TRHDE: variants seen among roughly 807,000 people sequenced by gnomAD.
The protein encoded by TRHDE is thyrotropin-releasing hormone-degrading ectoenzyme.
In TRHDE, 72 loss-of-function variants were observed where a neutral mutation model predicts 125.7. That is an observed-to-expected ratio of 0.57 (90% CI 0.47 to 0.70). The LOEUF (loss-of-function observed/expected upper bound fraction) is 0.70. Among genes scored for constraint, TRHDE ranks in the 30% least tolerant of loss-of-function variants. The probability of loss-of-function intolerance (pLI) is 0.00; values close to 1 mark genes in which losing one functional copy is unlikely to be tolerated. For synonymous variants in TRHDE, 509 were observed against 509.1 expected (o/e 1.00, Z 0.00); for missense variants, 1,110 against 1,327.1 (o/e 0.84, Z 2.54).
intron 2 of TRHDE, among the ~76,000 whole-genome samples, chr12:72,126,464 C>A (rs931868564): frequency 6.6e-6 from 1 of 152,160 alleles, no homozygotes; most frequent in African/African-American, 2.4e-5. Context: ...AACTATCAGG[C>A]TACGGTACCC....
chr12:72,148,567 T>A (rs1876281289), intron 2 of TRHDE, among the ~76,000 whole-genome samples: 1 of 152,198 alleles, frequency 6.6e-6, no homozygotes, highest in African/African-American at 2.4e-5. Flanking sequence ...GGAAATTAAT[T>A]TATATACACA....
At chr12:72,156,943 G>A (rs2139325670) in intron 2 of TRHDE, among the ~76,000 whole-genome samples, 1 of 152,214 alleles carries the variant, frequency 6.6e-6, no homozygotes, top group South Asian at 2.1e-4. Context: ...GAAAATTAAA[G>A]CAGGGTAGCA....
In TRHDE at chr12:72,241,472, T is replaced by A. The variant is rs185039251; in HGVS notation, n.279+135720T>A. Among the ~76,000 whole-genome samples the A allele has an allele frequency of 6.8e-3, 1,034 of 152,330 alleles. 6 individuals carry two copies. Among genetic ancestry groups the A allele is most frequent in the Non-Finnish European group, 0.01 (691 of 68,022 alleles). On this transcript the variant is annotated intron_variant and non_coding_transcript_variant, in intron 2 of 4. Coordinates refer to the TRHDE transcript ENST00000548156. ...TTGAAATATATCCAAGTTGTGTGCA[T>A]TAATACTTTATTATTGCACAGTAGT...
At chr12:72,556,753 A>G (rs890348249) in intron 7 of TRHDE, among the ~76,000 whole-genome samples, 9 of 152,200 alleles carry the variant, frequency 5.9e-5, no homozygotes, top group Admixed American at 6.5e-5. Context: ...GCACACTACA[A>G]ATTTTTTTGA....
intron 12 of TRHDE, among the ~76,000 whole-genome samples, chr12:72,597,738 T>TATAC (rs1872026362): frequency 1.1e-4 from 1 of 8,928 alleles, no homozygotes; most frequent in African/African-American, 3.0e-4. Flanking sequence ...TATATATATA[T>TATAC]ATATATATAT....
rs1380722718 is a variant in TRHDE at position 72,653,082 on chromosome 12, T to C, written c.2910T>C (p.His970=). The change falls in exon 17 of 19, where the codon CAT becomes CAC. Residue 970 remains histidine (H), a synonymous_variant. Transcript: ENST00000261180. ...AAGATGCAATTGATGTCATAATCCA[T>C]GTAGCTCGAAATCCACATGGTCGAG... ...LDQDAIDVII[H]VARNPHGRDL... is the part of the protein sequence containing the mutation. 3 of 1,609,036 alleles carry C rather than the reference T, an allele frequency of 1.9e-6. No individual in the cohort carries two copies. Among genetic ancestry groups the C allele is most frequent in the African/African-American group, 1.3e-5 (1 of 74,632 alleles).
chr12:72,556,047 A>G (rs1001032842), intron 7 of TRHDE, among the ~76,000 whole-genome samples: 2 of 152,170 alleles, frequency 1.3e-5, no homozygotes, highest in African/African-American at 4.8e-5. Context: ...TCTCTCCAAC[A>G]TTCTTGTCTG....
chr12:72,640,325 C>G (rs1156466625), intron 15 of TRHDE, among the ~76,000 whole-genome samples: 2 of 152,238 alleles, frequency 1.3e-5, no homozygotes, highest in Non-Finnish European at 2.9e-5. Flanking sequence ...TGACCCCCTG[C>G]GCTTCCCGAG....
At chr12:72,518,398 A>T (rs1258551950) in intron 6 of TRHDE, among the ~76,000 whole-genome samples, 1 of 151,158 alleles carries the variant, frequency 6.6e-6, no homozygotes, top group Non-Finnish European at 1.5e-5. Context: ...ACCATTATGT[A>T]ATGGCGTTCT....
At position 72,188,201 on chromosome 12, in the gene TRHDE, A is replaced by T. The variant is rs547625711; in HGVS notation, n.279+82449A>T. ...TGTGGAGATGGAGCAAATTAAAGTT[A>T]TTATGATTTGGGGGATAGAGATTTA... On this transcript the variant is annotated intron_variant and non_coding_transcript_variant, in intron 2 of 4. Coordinates refer to the TRHDE transcript ENST00000548156. Among the ~76,000 whole-genome samples the T allele has an allele frequency of 1.4e-4, 22 of 152,372 alleles. No homozygotes were observed. The South Asian group carries it at 4.1e-3, about 29-fold the overall frequency.
At chr12:72,640,185 G>C (rs573995938) in intron 15 of TRHDE, among the ~76,000 whole-genome samples, 8 of 152,260 alleles carry the variant, frequency 5.3e-5, no homozygotes, top group African/African-American at 1.7e-4. Context: ...CTCCGAGCCA[G>C]GTGCGGGACA....
intron 6 of TRHDE, among the ~76,000 whole-genome samples, chr12:72,503,103 G>A (rs912799269): frequency 2.6e-5 from 4 of 152,124 alleles, no homozygotes; most frequent in Admixed American, 1.3e-4. Context: ...ATTCTGGGAT[G>A]TATGACAGGT....
chr12:72,498,985 G>A (rs939123193), intron 5 of TRHDE, among the ~76,000 whole-genome samples: 9 of 151,862 alleles, frequency 5.9e-5, no homozygotes, highest in African/African-American at 1.7e-4. Flanking sequence ...GTGTGTGTGT[G>A]TGTGTGTTTT....
chr12:72,351,246 G>A (rs1227033848), intron 2 of TRHDE, among the ~76,000 whole-genome samples: 1 of 151,976 alleles, frequency 6.6e-6, no homozygotes, highest in Admixed American at 6.6e-5. Flanking sequence ...AGTAATGGAT[G>A]TCCCACAGGG....
At chr12:72,389,191 A>G (rs1255027591) in intron 3 of TRHDE, among the ~76,000 whole-genome samples, 1 of 152,124 alleles carries the variant, frequency 6.6e-6, no homozygotes, top group Non-Finnish European at 1.5e-5. Flanking sequence ...CAGGTGGGTG[A>G]TCAGATAATG....
intron 6 of TRHDE, among the ~76,000 whole-genome samples, chr12:72,510,613 C>T (rs1183693496): frequency 6.6e-6 from 1 of 151,758 alleles, no homozygotes; most frequent in Non-Finnish European, 1.5e-5. Context: ...TCTATTGTGC[C>T]ATTGTTTAAA....
intron 2 of TRHDE, among the ~76,000 whole-genome samples, chr12:72,210,068 A>G (rs1877743858): frequency 6.6e-6 from 1 of 152,214 alleles, no homozygotes; most frequent in Non-Finnish European, 1.5e-5. Context: ...ATGTTTTTCC[A>G]GTTAATTTTA....
intron 3 of TRHDE, among the ~76,000 whole-genome samples, chr12:72,439,669 A>T (rs948532187): frequency 1.3e-5 from 2 of 151,940 alleles, no homozygotes; most frequent in Non-Finnish European, 2.9e-5. Context: ...CTTTCTATAT[A>T]TATGATCATA....
At chr12:72,414,848 A>G (rs191189137) in intron 3 of TRHDE, among the ~76,000 whole-genome samples, 150 of 152,264 alleles carry the variant, frequency 9.9e-4, no homozygotes, top group Middle Eastern at 3.4e-3. Flanking sequence ...ATTACAACAT[A>G]GTCGTGATGG....
Sources: gnomAD v4.1 joint callset for allele counts (sites outside exome capture counted in the v4.1 genomes callset) on GRCh38, gnomAD v4.1.1 for gene constraint, MANE v1.5 for transcripts, NCBI Gene and HGNC (gene_info 2026-07-23, HGNC 2026-07-21) for gene names.